The following IRS2 variants were observed in gnomAD, a reference collection of about 807,000 sequenced individuals.
The protein encoded by IRS2 is insulin receptor substrate 2.
In IRS2, 28 loss-of-function variants were observed where a neutral mutation model predicts 70.9. That is an observed-to-expected ratio of 0.39 (90% CI 0.29 to 0.54). The LOEUF (loss-of-function observed/expected upper bound fraction) is 0.54. Among genes scored for constraint, IRS2 ranks in the 20% least tolerant of loss-of-function variants. The pLI, the probability that IRS2 is intolerant of heterozygous loss-of-function variation, is 0.59. For missense variants in IRS2, 2,081 were observed against 2,024.1 expected (o/e 1.03, Z -0.54); for synonymous variants, 1,217 against 981.9 (o/e 1.24, Z -4.48).
chr13:109,785,759 G>C lies in IRS2; in HGVS notation c.295C>G (p.Leu99Val). The C allele has an allele frequency of 6.3e-7, 1 of 1,594,916 alleles. No individual in the cohort carries two copies. Among genetic ancestry groups the C allele is most frequent in the Non-Finnish European group, 8.5e-7 (1 of 1,177,528 alleles). The change falls in exon 1 of 2, where the codon CTG becomes GTG. Residue 99 changes from leucine to valine, a missense_variant. By Grantham distance (32) the Leu-to-Val change is conservative. This residue lies in a region of IRS2 where 320 missense variants were observed against 352.9 expected (regional missense o/e 0.91). Transcript: ENST00000375856. The surrounding 1 kb of genome is among the most constrained non-coding windows in gnomAD (Gnocchi z 9.3). ...PKRVIALDCC[L>V]NINKRADAKH... ...GCGTCGGCGCGCTTGTTGATGTTCA[G>C]GCAGCAGTCGAGAGCGATCACCCGT...
intron 1 of IRS2, among the ~76,000 whole-genome samples, chr13:109,757,974 G>A (rs1380433608): frequency 2.6e-5 from 4 of 152,180 alleles, no homozygotes; most frequent in African/African-American, 4.8e-5. Context: ...GGGCCACTGC[G>A]GCCGGCCTAT....
intron 1 of IRS2, among the ~76,000 whole-genome samples, chr13:109,767,304 C>G (rs1877357453): frequency 6.6e-6 from 1 of 152,164 alleles, no homozygotes; most frequent in Non-Finnish European, 1.5e-5. Context: ...ACAAACACGT[C>G]TTCTGCCCTC....
chr13:109,786,056 C>A lies in IRS2; in HGVS notation c.-3G>T. On this transcript the variant is annotated 5_prime_UTR_variant, in exon 1 of 2. Transcript: ENST00000375856. This position sits in a 1 kb window ranked among gnomAD's most constrained non-coding sequence, Gnocchi z 4.4. ...CCGTGCCGCGGCGGGCTCGCCATCG[C>A]GGGCGCTTCAGGCCGCGCGGCCCGG... is the stretch of plus-strand genomic sequence containing the variant. The A allele has an allele frequency of 8.1e-7, 1 of 1,233,728 alleles. No homozygotes were observed. The highest frequency in any genetic ancestry group is 1.0e-6 in the Non-Finnish European group (1 of 992,348). 76.4% of individuals were successfully genotyped at this position (1,233,728 alleles called of 1,614,324 possible).
intron 1 of IRS2, among the ~76,000 whole-genome samples, chr13:109,764,463 A>T (rs897188391): frequency 6.6e-6 from 1 of 152,242 alleles, no homozygotes; most frequent in African/African-American, 2.4e-5. Context: ...CATGTATAAA[A>T]TATATAAATA....
Position 109,782,215 on chromosome 13 carries a change from T to C in IRS2, c.3839A>G (p.Asp1280Gly). ...PPPPPLPQPGDKSSWGRTRSL... is the reference protein window; with the variant it reads ...PPPPPLPQPGGKSSWGRTRSL... ...TCGGGTCCGGCCCCAGGAGCTCTTG[T>C]CTCCCGGCTGAGGAAGCGGCGGCGG... The change falls in exon 1 of 2, where the codon GAC becomes GGC. Residue 1280 changes from aspartate (D) to glycine (G), a missense_variant. By Grantham distance (94) the Asp-to-Gly change is moderately conservative (BLOSUM62 -1). Coordinates refer to ENST00000375856, the MANE Select transcript of IRS2 (RefSeq NM_003749.3). 6.2e-7 allele frequency: 1 copy of C among 1,607,390 alleles called. No homozygotes were observed. The highest frequency in any genetic ancestry group is 8.5e-7 in the Non-Finnish European group (1 of 1,177,172).
Position 109,784,752 on chromosome 13 carries a change from G to A in IRS2, c.1302C>T (p.Pro434=), listed in dbSNP as rs1339982352. The A allele has an allele frequency of 4.1e-6, 5 of 1,231,782 alleles. No individual in the cohort carries two copies. Among genetic ancestry groups the A allele is most frequent in the Non-Finnish European group, 4.1e-6 (4 of 987,358 alleles). The allele number at this position is 1,231,782 out of a possible 1,614,324, so 76.3% of individuals were successfully genotyped here. A position where few individuals can be genotyped will look rare whatever the true frequency, so the allele number is the denominator to read the frequency against. The change falls in exon 1 of 2, where the codon CCC becomes CCT. Residue 434 remains proline (P), a synonymous_variant. Transcript: ENST00000375856. This position sits in a 1 kb window ranked among gnomAD's most constrained non-coding sequence, Gnocchi z 5.2. ...ALQHSRSMSM[P]VAHSPPAATS... ...TGGCGGCGGGCGGCGAGTGCGCCAC[G>A]GGCATGGACATGGAGCGGCTGTGTT... is the stretch of plus-strand genomic sequence containing the variant.
chr13:109,769,183 C>T (rs952309542), intron 1 of IRS2, among the ~76,000 whole-genome samples: 5 of 152,114 alleles, frequency 3.3e-5, no homozygotes, highest in African/African-American at 9.7e-5. Context: ...TTCGAGTTGA[C>T]GTATACTCTA....
chr13:109,762,499 G>C (rs1487396484), intron 1 of IRS2, among the ~76,000 whole-genome samples: 1 of 152,112 alleles, frequency 6.6e-6, no homozygotes, highest in East Asian at 1.9e-4. Context: ...GGTGGGACAG[G>C]GCAGGAGCAG....
intron 1 of IRS2, among the ~76,000 whole-genome samples, chr13:109,778,980 T>C (rs1877638289): frequency 2.0e-5 from 3 of 152,000 alleles, no homozygotes; most frequent in Non-Finnish European, 4.4e-5. Flanking sequence ...CCTAACAAAT[T>C]GGTTAGAGTT....
Position 109,782,121 on chromosome 13 carries a change from G to A in IRS2, c.3933C>T (p.Pro1311=), listed in dbSNP as rs775847533. The part of the protein sequence containing the change: ...STGGGCGGPG[P]GALPPANTYA... Reference sequence around the variant, plus strand: ...AGGTGTTGGCAGGGGGCAGGGCACCGGGACCCGGCCCCCCGCACCCGCCGC... The same window carrying A: ...AGGTGTTGGCAGGGGGCAGGGCACCAGGACCCGGCCCCCCGCACCCGCCGC... The change falls in exon 1 of 2, where the codon CCC becomes CCT. Residue 1311 remains proline, a synonymous_variant. Coordinates refer to ENST00000375856, the MANE Select transcript of IRS2 (RefSeq NM_003749.3). The A allele has an allele frequency of 3.1e-6, 5 of 1,609,910 alleles. No individual in the cohort carries two copies. The South Asian group carries it at 3.3e-5, about 11-fold the overall frequency.
chr13:109,771,608 C>T (rs1877452725), intron 1 of IRS2, among the ~76,000 whole-genome samples: 1 of 152,198 alleles, frequency 6.6e-6, no homozygotes, highest in Admixed American at 6.5e-5. Flanking sequence ...TTTTCTGTTT[C>T]ATTTGCGTAT....
intron 1 of IRS2, among the ~76,000 whole-genome samples, chr13:109,769,372 C>T (rs1000496699): frequency 6.6e-6 from 1 of 152,184 alleles, no homozygotes; most frequent in Admixed American, 6.5e-5. Flanking sequence ...TCCTCCTGGT[C>T]CCTTACTACC....
At position 109,785,032 on chromosome 13, in the gene IRS2, C is replaced by T. The variant is rs1185990472; in HGVS notation, c.1022G>A (p.Arg341His). 6.6e-7 allele frequency: 1 copy of T among 1,505,046 alleles called. No individual in the cohort carries two copies. The highest frequency in any genetic ancestry group is 1.3e-5 in the South Asian group (1 of 79,894). 93.2% of individuals were successfully genotyped at this position (1,505,046 alleles called of 1,614,324 possible). A position where few individuals can be genotyped will look rare whatever the true frequency, so the allele number is the denominator to read the frequency against. Residue 341 changes from arginine (R) to histidine (H), a missense_variant, in exon 1 of 2, where the codon CGC becomes CAC. Arg to His is a conservative substitution (Grantham distance 29, BLOSUM62 0). This residue lies in a region of IRS2 where 111 missense variants were observed against 133.1 expected (regional missense o/e 0.83). Coordinates refer to ENST00000375856, the MANE Select transcript of IRS2 (RefSeq NM_003749.3). This position sits in a 1 kb window ranked among gnomAD's most constrained non-coding sequence, Gnocchi z 9.3. Reference sequence around the variant, plus strand: ...GGCGGCCAGGCTGTCGGTGCGCGAGCGGCGCACCAGGCCCGTCTGGCTGGG... The same window carrying T: ...GGCGGCCAGGCTGTCGGTGCGCGAGTGGCGCACCAGGCCCGTCTGGCTGGG... ...LPPSQTGLVR[R>H]SRTDSLAATP...
rs190591083 is a variant in IRS2, at chr13:109,756,001, A to G, written c.*303T>C. On this transcript the variant is annotated 3_prime_UTR_variant, in exon 2 of 2. Coordinates refer to ENST00000375856, the MANE Select transcript of IRS2 (RefSeq NM_003749.3). ...TAAAAGACACTGGCCACAATTTAAGAAGGCCAATGAAAACATCCAATTTTC... is the reference window on the plus strand; with the variant it reads ...TAAAAGACACTGGCCACAATTTAAGGAGGCCAATGAAAACATCCAATTTTC... 30 of 452,428 alleles carry G rather than the reference A, an allele frequency of 6.6e-5. No individual in the cohort carries two copies. Among genetic ancestry groups the G allele is most frequent in the Middle Eastern group, 1.2e-3 (2 of 1,624 alleles). 28.0% of individuals were successfully genotyped at this position (452,428 alleles called of 1,614,324 possible).
rs144912977 is a variant in IRS2, at chr13:109,762,576, T to C, written c.4013-6268A>G. ...TCCACAGTGAACCACTAGCTCTTTA[T>C]AAAACTCTCCTCGAAGGACATTAAA... On this transcript the variant is annotated intron_variant, in intron 1 of 1. Coordinates refer to ENST00000375856, the MANE Select transcript of IRS2 (RefSeq NM_003749.3). Among the ~76,000 whole-genome samples the C allele has an allele frequency of 6.6e-5, 10 of 152,264 alleles. No homozygotes were observed. The East Asian group carries it at 1.7e-3, about 27-fold the overall frequency.
Position 109,783,095 on chromosome 13 carries a change from TG to T in IRS2, c.2958del (p.Lys987SerfsTer119), listed in dbSNP as rs2138931655. The T allele has an allele frequency of 7.2e-7, 1 of 1,389,318 alleles. No homozygotes were observed. 86.1% of individuals were successfully genotyped at this position (1,389,318 alleles called of 1,614,324 possible). ...CTCGGGGCGCCCGGCTTAGGAGACT[TG>T]GGGGAGCTGAAGTCGAGGTTCATGT... ...SDYMNLDFSSPKSPKPGAPSG... is the reference protein window; with the variant it reads ...SDYMNLDFSSXKSPKPGAPSG... On this transcript the variant is annotated frameshift_variant, in exon 1 of 2. Transcript: ENST00000375856. LOFTEE classifies it high-confidence loss of function.
Position 109,774,732 on chromosome 13 carries a change from G to T in IRS2, c.4012+7310C>A, listed in dbSNP as rs549090964. Among the ~76,000 whole-genome samples the T allele has an allele frequency of 2.3e-3, 348 of 152,200 alleles. 4 individuals carry two copies. The highest frequency in any genetic ancestry group is 8.8e-4 in the Non-Finnish European group (60 of 68,020). The stretch of plus-strand genomic sequence containing the variant: ...GTAGGTTCTTGATTCCAAAGAATGG[G>T]GTTCATGGTGGTTCTGCCTATGCCA... On this transcript the variant is annotated intron_variant, in intron 1 of 1. Transcript: ENST00000375856.
In IRS2 at chr13:109,782,049, G is replaced by A. The variant is rs1387473437; in HGVS notation, c.4005C>T (p.Ile1335=). 1 of 1,612,392 alleles carries A rather than the reference G, an allele frequency of 6.2e-7. No individual in the cohort carries two copies. Among genetic ancestry groups the A allele is most frequent in the Non-Finnish European group, 8.5e-7 (1 of 1,179,828 alleles). The change falls in exon 1 of 2, where the codon ATC becomes ATT. Residue 1335 remains isoleucine, a synonymous_variant. Transcript: ENST00000375856. ...FLSHHLKEAT[I]VKE is the part of the protein sequence containing the mutation. Reference sequence around the variant, plus strand: ...GGCAAAGGGCCTCCTCACCTTTCACGATGGTGGCCTCCTTCAAGTGGTGGG... The same window carrying A: ...GGCAAAGGGCCTCCTCACCTTTCACAATGGTGGCCTCCTTCAAGTGGTGGG...
Position 109,785,033 on chromosome 13 carries a change from G to A in IRS2, c.1021C>T (p.Arg341Cys), listed in dbSNP as rs1414694650. 2 of 1,507,522 alleles carry A rather than the reference G, an allele frequency of 1.3e-6. No individual in the cohort carries two copies. 93.4% of individuals were successfully genotyped at this position (1,507,522 alleles called of 1,614,324 possible). A position where few individuals can be genotyped will look rare whatever the true frequency, so the allele number is the denominator to read the frequency against. ...GCGGCCAGGCTGTCGGTGCGCGAGC[G>A]GCGCACCAGGCCCGTCTGGCTGGGG... Reference protein sequence around the residue: ...LPPSQTGLVRRSRTDSLAATP... With the variant: ...LPPSQTGLVRCSRTDSLAATP... The change falls in exon 1 of 2, where the codon CGC (arginine) becomes TGC (cysteine). Residue 341 changes from arginine (R) to cysteine (C), a missense_variant. By Grantham distance (180) the Arg-to-Cys change is radical (BLOSUM62 -3). Coordinates refer to ENST00000375856, the MANE Select transcript of IRS2 (RefSeq NM_003749.3). This position sits in a 1 kb window ranked among gnomAD's most constrained non-coding sequence, Gnocchi z 9.3.
Sources: allele counts gnomAD v4.1 joint callset (sites outside exome capture counted in the v4.1 genomes callset), GRCh38; gene constraint gnomAD v4.1.1; regional missense constraint gnomAD v4.1.1; non-coding constraint Gnocchi (gnomAD v3.1); transcripts MANE v1.5; gene names NCBI Gene and HGNC (gene_info 2026-07-23, HGNC 2026-07-21).